Variants in GLIS3 observed in about 807,000 individuals in gnomAD.
The protein encoded by GLIS3 is zinc finger protein GLIS3.
Under a neutral mutation model 78.6 loss-of-function variants are expected in GLIS3, and 53 were observed. That is an observed-to-expected ratio of 0.67 (90% CI 0.54 to 0.85). The LOEUF is 0.85. Among genes scored for constraint, GLIS3 ranks in the 40% least tolerant of loss-of-function variants. GLIS3 has a pLI of 0.00. For synonymous variants in GLIS3, 684 were observed against 509.9 expected (o/e 1.34, Z -4.60); for missense variants, 1,703 against 1,231.1 (o/e 1.38, Z -5.74).
intron 2 of GLIS3, among the ~76,000 whole-genome samples, chr9:4,262,377 A>C (rs947188582): frequency 6.6e-6 from 1 of 152,062 alleles, no homozygotes; most frequent in Admixed American, 6.5e-5. Flanking sequence ...TGGATTTGGG[A>C]AGGATGCAGG....
At chr9:4,445,174 T>C in the GLIS3 span, among the ~76,000 whole-genome samples, 1 of 152,180 alleles carries the variant, frequency 6.6e-6, no homozygotes, top group Admixed American at 6.5e-5. Flanking sequence ...TGGACCTCAG[T>C]TTATTCATGT....
At chr9:3,928,829 G>A (rs991788216) in intron 6 of GLIS3, among the ~76,000 whole-genome samples, 11 of 152,158 alleles carry the variant, frequency 7.2e-5, no homozygotes, top group Admixed American at 5.9e-4. Context: ...CACAAATAAA[G>A]TTTGAATCTT....
the GLIS3 span, among the ~76,000 whole-genome samples, chr9:4,357,217 T>A: frequency 6.6e-6 from 1 of 152,238 alleles, no homozygotes; most frequent in African/African-American, 2.4e-5. Context: ...GGTTAAACTT[T>A]ATTCTGGTTG....
the GLIS3 span, among the ~76,000 whole-genome samples, chr9:4,392,608 T>A: frequency 6.6e-6 from 1 of 152,138 alleles, no homozygotes; most frequent in East Asian, 1.9e-4. Flanking sequence ...TTGTATCTGG[T>A]CCCAGACTTT....
rs374387481 is a variant in GLIS3 at position 4,042,129 on chromosome 9, G to GT, written c.1710+75638dup. ...AATCATTTCAAAAGCTTGGGTTTTT[G>GT]TTTTTTTTTTCTTTAGTCAACAATC... On this transcript the variant is annotated intron_variant, in intron 4 of 10. Transcript: ENST00000381971. Among the ~76,000 whole-genome samples, 357 of 148,964 alleles carry GT rather than the reference G, an allele frequency of 2.4e-3. 2 individuals carry two copies. The highest frequency in any genetic ancestry group is 0.01 in the Middle Eastern group (3 of 290).
chr9:4,358,718 A>C, the GLIS3 span, among the ~76,000 whole-genome samples: 1 of 152,218 alleles, frequency 6.6e-6, no homozygotes, highest in Non-Finnish European at 1.5e-5. Context: ...ACACGTGTGT[A>C]TGTGTGCACA....
chr9:4,364,940 C>T, the GLIS3 span, among the ~76,000 whole-genome samples: 2 of 151,890 alleles, frequency 1.3e-5, no homozygotes, highest in East Asian at 3.8e-4. Context: ...TCTGCTACTG[C>T]ACCTGGCATT....
intron 7 of GLIS3, 128 bp downstream of exon 7, chr9:3,898,563 G>A: frequency 9.7e-7 from 1 of 1,030,680 alleles, no homozygotes; most frequent in Non-Finnish European, 1.5e-6. Flanking sequence ...AGAGCAATTT[G>A]CAGCCCATTG....
At chr9:4,324,737 T>A (rs1359349584) in intron 2 of GLIS3, among the ~76,000 whole-genome samples, 1 of 152,258 alleles carries the variant, frequency 6.6e-6, no homozygotes, top group Non-Finnish European at 1.5e-5. Context: ...CACCATTTTC[T>A]GTAAATCACT....
At chr9:4,197,327 A>C (rs1818957256) in intron 2 of GLIS3, among the ~76,000 whole-genome samples, 1 of 152,186 alleles carries the variant, frequency 6.6e-6, no homozygotes, top group Non-Finnish European at 1.5e-5. Context: ...TGCCTGGATC[A>C]GTAGCCTAAA....
chr9:4,123,905 G>C (rs1425886075), intron 3 of GLIS3: 5 of 396,562 alleles, frequency 1.3e-5, no homozygotes, highest in Non-Finnish European at 2.2e-5. Flanking sequence ...TTTTCATAGG[G>C]CAGCATCTCT....
Position 4,158,271 on chromosome 9 carries a change from G to A in GLIS3, c.389-32330C>T, listed in dbSNP as rs185756247. On this transcript the variant is annotated intron_variant, in intron 2 of 10. Transcript: ENST00000381971. ...AAAGACGAGCTTTTAGCAACTTTCT[G>A]TAGCATGAAAGAGACGTTTTCAGTA... is the stretch of plus-strand genomic sequence containing the variant. Among the ~76,000 whole-genome samples the A allele has an allele frequency of 2.0e-5, 3 of 152,202 alleles. 1 individual carries two copies. In the East Asian group the frequency reaches 5.8e-4, roughly 29 times the overall value.
At chr9:4,029,981 C>A (rs906608182) in intron 4 of GLIS3, among the ~76,000 whole-genome samples, 18 of 152,146 alleles carry the variant, frequency 1.2e-4, no homozygotes, top group African/African-American at 4.3e-4. Flanking sequence ...ATAGCTGGAT[C>A]TTACGGTGGC....
At chr9:4,061,190 T>C (rs1826622402) in intron 4 of GLIS3, among the ~76,000 whole-genome samples, 1 of 151,278 alleles carries the variant, frequency 6.6e-6, no homozygotes, top group African/African-American at 2.4e-5. Context: ...ACATTAGGTA[T>C]ATCTCCTAAT....
chr9:4,487,098 C>T, the GLIS3 span, among the ~76,000 whole-genome samples: 1 of 152,184 alleles, frequency 6.6e-6, no homozygotes, highest in East Asian at 1.9e-4. Context: ...CTACTGGGTT[C>T]AAGCGATTCT....
chr9:4,212,128 T>C (rs1303823584), intron 2 of GLIS3, among the ~76,000 whole-genome samples: 1 of 152,234 alleles, frequency 6.6e-6, no homozygotes, highest in Non-Finnish European at 1.5e-5. Context: ...CACTGGATCA[T>C]ATGCATCGAG....
the GLIS3 span, among the ~76,000 whole-genome samples, chr9:4,385,202 C>G: frequency 0.098 from 14,987 of 152,182 alleles, 2,374 homozygotes; most frequent in African/African-American, 0.34. Flanking sequence ...GCATTCCCTT[C>G]GATTTCCCAC....
chr9:4,073,729 C>T (rs910254757), intron 4 of GLIS3, among the ~76,000 whole-genome samples: 3 of 152,180 alleles, frequency 2.0e-5, no homozygotes, highest in African/African-American at 7.2e-5. Context: ...CTTGCTCCCC[C>T]AATAGCTTAG....
the GLIS3 span, among the ~76,000 whole-genome samples, chr9:4,457,564 C>G: frequency 2.0e-5 from 3 of 151,814 alleles, no homozygotes; most frequent in African/African-American, 7.3e-5. Context: ...AATGCAGAGA[C>G]TGGCCAGGCG....
Sources: allele counts gnomAD v4.1 joint callset (sites outside exome capture counted in the v4.1 genomes callset), GRCh38; gene constraint gnomAD v4.1.1; transcripts MANE v1.5; gene names NCBI Gene and HGNC (gene_info 2026-07-23, HGNC 2026-07-21).